The following MACROD2 variants were observed in gnomAD, a reference collection of about 807,000 sequenced individuals.
MACROD2 encodes the protein mono-ADP ribosylhydrolase 2, also known as ADP-ribose glycohydrolase MACROD2.
In MACROD2, 36 loss-of-function variants were observed where a neutral mutation model predicts 70.4. The observed-to-expected ratio is 0.51, with a 90% CI of 0.39 to 0.68. MACROD2 has a LOEUF of 0.68. MACROD2 is among the 30% of genes least tolerant of loss of function. The probability of loss-of-function intolerance (pLI) is 0.00; values close to 1 mark genes in which losing one functional copy is unlikely to be tolerated. For synonymous variants in MACROD2, 172 were observed against 178.8 expected, an observed-to-expected ratio of 0.96 and a Z score of 0.30; for missense variants, 496 against 538.4, an observed-to-expected ratio of 0.92 and a Z score of 0.78.
rs1395551233 is a variant in MACROD2 at position 15,428,024 on chromosome 20, A to G, written c.541-3381A>G. The stretch of plus-strand genomic sequence containing the variant: ...AAAGAATTATCTGGTCCAAAATATC[A>G]ATAGTGCTGAGGTTGGGAAGCCTTG... On this transcript the variant is annotated intron_variant, in intron 6 of 17. Transcript: ENST00000684519. Among the ~76,000 whole-genome samples the G allele has an allele frequency of 2.0e-5, 3 of 152,198 alleles. No homozygotes were observed. In the East Asian group the frequency reaches 5.8e-4, roughly 29 times the overall value.
rs1433795820 is a variant in MACROD2, at chr20:14,326,899, C to T, written c.272-166580C>T. On this transcript the variant is annotated intron_variant, in intron 3 of 17. Transcript: ENST00000684519. This position sits in a 1 kb window ranked among gnomAD's most constrained non-coding sequence, Gnocchi z 5.5. Reference sequence around the variant, plus strand: ...CAACAGGTTTCCATCTAGAACCAGGCGTTTTAGACTAGTGAGACCTTGAAG... The same window carrying T: ...CAACAGGTTTCCATCTAGAACCAGGTGTTTTAGACTAGTGAGACCTTGAAG... 6 of 1,613,670 alleles carry T rather than the reference C, an allele frequency of 3.7e-6. No individual in the cohort carries two copies. In the African/African-American group the frequency reaches 4.0e-5, roughly 11 times the overall value.
chr20:15,215,186 T>C (rs2076798821), intron 5 of MACROD2, among the ~76,000 whole-genome samples: 1 of 152,034 alleles, frequency 6.6e-6, no homozygotes, highest in Admixed American at 6.6e-5. Context: ...AATGAAGCAC[T>C]ATGAAACAGC....
At chr20:15,189,265 C>A (rs2076554040) in intron 5 of MACROD2, among the ~76,000 whole-genome samples, 1 of 151,114 alleles carries the variant, frequency 6.6e-6, no homozygotes, top group African/African-American at 2.4e-5. Flanking sequence ...TTTTCCATGA[C>A]CAACATAGTG....
chr20:15,873,652 G>A (rs75941987), intron 9 of MACROD2, among the ~76,000 whole-genome samples: 2 of 151,720 alleles, frequency 1.3e-5, no homozygotes, highest in Non-Finnish European at 2.9e-5. Flanking sequence ...GTGAGAAAAG[G>A]TAGAAAGATA....
chr20:15,942,983 T>G (rs988392094), intron 12 of MACROD2, among the ~76,000 whole-genome samples: 1 of 152,212 alleles, frequency 6.6e-6, no homozygotes, highest in African/African-American at 2.4e-5. Flanking sequence ...TGGAACACCA[T>G]GTAAGTCATA....
chr20:15,184,591 A>C (rs1408224320), intron 5 of MACROD2, among the ~76,000 whole-genome samples: 2 of 152,194 alleles, frequency 1.3e-5, no homozygotes, highest in Non-Finnish European at 2.9e-5. Flanking sequence ...ACATGTGGAC[A>C]AAAGAGAGAA....
Position 14,711,933 on chromosome 20 carries a change from C to T in MACROD2, c.418+26974C>T, listed in dbSNP as rs569854963. ...TAGCTAAGTCCCTGTTAGTCAGCTT[C>T]TTAAGTGCTGACCAGACTTCTTCCA... On this transcript the variant is annotated intron_variant, in intron 5 of 17. Transcript: ENST00000684519. Among the ~76,000 whole-genome samples the T allele has an allele frequency of 3.0e-3, 453 of 152,266 alleles. 3 individuals are homozygous for T. Among genetic ancestry groups the T allele is most frequent in the Middle Eastern group, 0.014 (4 of 294 alleles).
intron 8 of MACROD2, among the ~76,000 whole-genome samples, chr20:15,813,319 A>C (rs1372445101): frequency 1.3e-5 from 2 of 152,238 alleles, no homozygotes; most frequent in African/African-American, 4.8e-5. Context: ...ATGAATGCTC[A>C]TATAAAAGGC....
At chr20:15,152,074 C>T (rs538578439) in intron 5 of MACROD2, among the ~76,000 whole-genome samples, 5 of 151,994 alleles carry the variant, frequency 3.3e-5, no homozygotes, top group South Asian at 2.1e-4. Context: ...AATGCCTGGA[C>T]GTCAGGCATC....
intron 8 of MACROD2, among the ~76,000 whole-genome samples, chr20:15,501,388 T>C (rs1469749649): frequency 6.6e-6 from 1 of 152,214 alleles, no homozygotes; most frequent in Non-Finnish European, 1.5e-5. Flanking sequence ...GATGGACATA[T>C]GCATAAAGTC....
At chr20:15,428,015 C>T (rs190055050) in intron 6 of MACROD2, among the ~76,000 whole-genome samples, 20 of 152,294 alleles carry the variant, frequency 1.3e-4, no homozygotes, top group Admixed American at 2.0e-4. Flanking sequence ...TTATCTGGTC[C>T]AAAATATCAA....
At chr20:15,268,983 C>A (rs1216671426) in intron 6 of MACROD2, among the ~76,000 whole-genome samples, 1 of 152,200 alleles carries the variant, frequency 6.6e-6, no homozygotes, top group African/African-American at 2.4e-5. Context: ...GGAATGCCAT[C>A]TGAATTAGCT....
chr20:14,021,199 C>G (rs2053074733), intron 2 of MACROD2, among the ~76,000 whole-genome samples: 1 of 152,134 alleles, frequency 6.6e-6, no homozygotes, highest in Non-Finnish European at 1.5e-5. Flanking sequence ...CCGTGTTAGC[C>G]AGGATGCTCT....
intron 8 of MACROD2, among the ~76,000 whole-genome samples, chr20:15,701,685 T>G (rs75565705): frequency 0.05 from 7,682 of 152,218 alleles, 653 homozygotes; most frequent in African/African-American, 0.18. Context: ...TTATTTTAGA[T>G]TCAGGGCGTA....
intron 7 of MACROD2, among the ~76,000 whole-genome samples, chr20:15,476,112 T>G (rs2047019271): frequency 6.6e-6 from 1 of 152,190 alleles, no homozygotes; most frequent in Non-Finnish European, 1.5e-5. Flanking sequence ...CAAAGATAAG[T>G]TATCTAGATT....
intron 8 of MACROD2, among the ~76,000 whole-genome samples, chr20:15,581,475 G>A (rs1600625726): frequency 6.6e-6 from 1 of 152,160 alleles, no homozygotes; most frequent in Non-Finnish European, 1.5e-5. Context: ...AATGTTATCT[G>A]GGTAACTGAA....
intron 6 of MACROD2, among the ~76,000 whole-genome samples, chr20:15,256,306 A>C (rs1568672205): frequency 6.6e-6 from 1 of 152,094 alleles, no homozygotes; most frequent in Non-Finnish European, 1.5e-5. Flanking sequence ...CATGAAATTT[A>C]GAATGTCTGG....
chr20:15,229,876 A>T, intron 5 of MACROD2, 64 bp from the exon 6 acceptor site: 1 of 1,495,112 alleles, frequency 6.7e-7, no homozygotes, highest in Non-Finnish European at 9.0e-7. Context: ...ATAAAGTATT[A>T]ATTATGTAAA....
At chr20:14,034,813 T>C (rs192347980) in intron 2 of MACROD2, among the ~76,000 whole-genome samples, 267 of 152,382 alleles carry the variant, frequency 1.8e-3, no homozygotes, top group Non-Finnish European at 3.2e-3. Context: ...TGTTTTTTCT[T>C]AGTGAACTAA....
Sources: gnomAD v4.1 joint callset for allele counts (sites outside exome capture counted in the v4.1 genomes callset) on GRCh38, gnomAD v4.1.1 for gene constraint, Gnocchi (gnomAD v3.1) non-coding constraint, MANE v1.5 for transcripts, NCBI Gene and HGNC (gene_info 2026-07-23, HGNC 2026-07-21) for gene names.